The following RPS20 variants were observed in gnomAD, a reference collection of about 807,000 sequenced individuals.
RPS20 encodes the protein small ribosomal subunit protein uS10.
In RPS20, 3 loss-of-function variants were observed where a neutral mutation model predicts 15.3. The observed-to-expected ratio is 0.20, with a 90% CI of 0.09 to 0.51. RPS20 has a LOEUF of 0.51. Ranked by LOEUF, RPS20 falls within the 20% of genes least tolerant of loss-of-function variation. The pLI is 0.96. For missense variants in RPS20, 67 were observed against 145.9 expected, an observed-to-expected ratio of 0.46 and a Z score of 2.79; for synonymous variants, 62 against 47.8, an observed-to-expected ratio of 1.30 and a Z score of -1.23.
chr8:56,074,463 G>T lies in RPS20; in HGVS notation c.-80C>A. ...GGTGAGTCAGGAGCAGGAGCGTGCG[G>T]ACCAAAAATCCTCAGCCCTTACGAC... On this transcript the variant is annotated 5_prime_UTR_variant, in exon 1 of 4. Transcript: ENST00000009589. 2.0e-6 allele frequency: 3 copies of T among 1,495,900 alleles called. No individual in the cohort carries two copies. In the South Asian group the frequency reaches 3.6e-5, roughly 18 times the overall value. The allele number at this position is 1,495,900 out of a possible 1,614,324, so 92.7% of individuals were successfully genotyped here.
chr8:56,070,850 AAT>A (rs1296914310), downstream of RPS20, among the ~76,000 whole-genome samples: 13 of 152,286 alleles, frequency 8.5e-5, no homozygotes, highest in African/African-American at 2.6e-4. Context: ...TGCAAATCCA[AAT>A]AGAGTAAGCA....
At chr8:56,073,341 C>T in intron 3 of RPS20, 69 bp from the exon 4 acceptor site, 2 of 977,238 alleles carry the variant, frequency 2.0e-6, no homozygotes, top group Admixed American at 1.9e-5. Flanking sequence ...TCTGGAAAAT[C>T]ATTACTTCTA....
At chr8:56,071,921 A>AG (rs2129212773), downstream of RPS20, among the ~76,000 whole-genome samples, 1 of 152,372 alleles carries the variant, frequency 6.6e-6, no homozygotes, top group South Asian at 2.1e-4. Context: ...CAATAAGTTT[A>AG]GCAAACCTGT....
chr8:56,073,665 C>G (rs376929146), intron 3 of RPS20, 30 bp downstream of exon 3: 12 of 1,581,950 alleles, frequency 7.6e-6, no homozygotes, highest in Non-Finnish European at 9.5e-6. Flanking sequence ...GGAAGCAACT[C>G]CTACTTCCTG....
downstream of RPS20, among the ~76,000 whole-genome samples, chr8:56,072,557 C>T (rs111976607): frequency 6.8e-6 from 1 of 146,122 alleles, no homozygotes; most frequent in Non-Finnish European, 1.5e-5. Context: ...GTCCCCCCCC[C>T]CAAAAAAAAA....
chr8:56,073,987 A>G (rs1809849394), intron 2 of RPS20, 73 bp downstream of exon 2: 1 of 1,260,528 alleles, frequency 7.9e-7, no homozygotes, highest in Non-Finnish European at 1.2e-6. Context: ...CACCTTCTAC[A>G]CTAACATTAA....
downstream of RPS20, chr8:56,069,589 C>T (rs1173672739): frequency 2.6e-6 from 2 of 772,928 alleles, no homozygotes; most frequent in East Asian, 5.4e-5. Flanking sequence ...GTGAGCCACC[C>T]CGCCCAGCCA....
intron 3 of RPS20, 150 bp downstream of exon 3, chr8:56,073,545 T>C (rs1809831001): frequency 1.4e-6 from 1 of 710,910 alleles, no homozygotes; most frequent in Non-Finnish European, 2.5e-6. Flanking sequence ...ATTAGCTACT[T>C]ACTAGGAACC....
At chr8:56,070,770 T>C (rs945698362), downstream of RPS20, among the ~76,000 whole-genome samples, 7 of 151,554 alleles carry the variant, frequency 4.6e-5, no homozygotes, top group Non-Finnish European at 1.0e-4. Flanking sequence ...GACCCAGCAA[T>C]GAACAGCCAT....
At position 56,073,144 on chromosome 8, in the gene RPS20, A is replaced by G. The variant is rs749176723; in HGVS notation, c.306T>C (p.Thr102=). 4 of 1,598,308 alleles carry G rather than the reference A, an allele frequency of 2.5e-6. No homozygotes were observed. Among genetic ancestry groups the G allele is most frequent in the Non-Finnish European group, 2.5e-6 (3 of 1,179,498 alleles). ...HSPSEIVKQI[T]SISIEPGVEV... ...CAACTCCTGGCTCAATACTGATGGA[A>G]GTAATCTGCTTAACAATCTCAGAAG... Residue 102 remains threonine, a synonymous_variant, in exon 4 of 4, where the codon ACT becomes ACC. Coordinates refer to ENST00000009589, the MANE Select transcript of RPS20 (RefSeq NM_001023.4).
At chr8:56,074,262 G>A (rs767158955) in intron 1 of RPS20, 103 bp from the exon 2 acceptor site, 12 of 1,526,052 alleles carry the variant, frequency 7.9e-6, no homozygotes, top group South Asian at 1.1e-5. Context: ...ACCATTTCAG[G>A]AGCGCCTTTC....
downstream of RPS20, among the ~76,000 whole-genome samples, chr8:56,070,737 C>CAA (rs201439919): frequency 0.033 from 3,980 of 119,104 alleles, 71 homozygotes; most frequent in South Asian, 0.047. Flanking sequence ...CATTTAAATT[C>CAA]AAAAAAAAAA....
downstream of RPS20, among the ~76,000 whole-genome samples, chr8:56,072,148 G>T (rs530666888): frequency 1.3e-5 from 2 of 152,030 alleles, no homozygotes; most frequent in South Asian, 4.1e-4. Flanking sequence ...GTTTGAGGTG[G>T]ATTGCATGAG....
chr8:56,068,167 T>G (rs1012408076), downstream of RPS20: 2 of 152,162 alleles, frequency 1.3e-5, no homozygotes, highest in African/African-American at 4.8e-5. Flanking sequence ...TCTCTCTACT[T>G]TTGTGTATGT....
At chr8:56,070,290 A>T (rs1428957779), downstream of RPS20, among the ~76,000 whole-genome samples, 1 of 152,220 alleles carries the variant, frequency 6.6e-6, no homozygotes, top group African/African-American at 2.4e-5. Context: ...TGAGGCTCAA[A>T]GTCAAGTAAC....
chr8:56,072,236 A>G (rs115602006), downstream of RPS20, among the ~76,000 whole-genome samples: 4,371 of 151,842 alleles, frequency 0.029, 218 homozygotes, highest in African/African-American at 0.099. Flanking sequence ...CACTGAAAAT[A>G]TAAGTATTTT....
chr8:56,068,081 T>G (rs1777598736), downstream of RPS20: 1 of 151,934 alleles, frequency 6.6e-6, no homozygotes, highest in Non-Finnish European at 1.5e-5. Flanking sequence ...GTTGGGGAAG[T>G]TGTTGGAGTC....
At chr8:56,067,470 G>C (rs1809643363) in exon 6 of RPS20, 1 of 152,158 alleles carries the variant, frequency 6.6e-6, no homozygotes, top group East Asian at 1.9e-4. Flanking sequence ...CGAATCACGA[G>C]GTCAGGAGAT....
At chr8:56,069,950 A>G (rs779479796), downstream of RPS20, 8 of 683,370 alleles carry the variant, frequency 1.2e-5, no homozygotes, top group Non-Finnish European at 1.9e-5. Flanking sequence ...TTTACATTGT[A>G]TTAGGTATTA....
Sources: gnomAD v4.1 joint callset for allele counts (sites outside exome capture counted in the v4.1 genomes callset) on GRCh38, gnomAD v4.1.1 for gene constraint, MANE v1.5 for transcripts, NCBI Gene and HGNC (gene_info 2026-07-23, HGNC 2026-07-21) for gene names.